Variants in SLC4A5 observed in about 807,000 individuals in gnomAD.
SLC4A5 encodes the protein electrogenic sodium bicarbonate cotransporter 4.
SLC4A5 carries 96 observed loss-of-function variants against 120.4 expected under a neutral mutation model. That is an observed-to-expected ratio of 0.80 (90% CI 0.68 to 0.94). The LOEUF is 0.94. Ranked by LOEUF, SLC4A5 falls within the 40% of genes least tolerant of loss-of-function variation. The pLI is 0.00. For missense variants in SLC4A5, 1,259 were observed against 1,459.5 expected, an observed-to-expected ratio of 0.86 and a Z score of 2.24; for synonymous variants, 550 against 571.1, an observed-to-expected ratio of 0.96 and a Z score of 0.53.
At chr2:74,240,384 T>C (rs577326774) in intron 20 of SLC4A5, among the ~76,000 whole-genome samples, 30 of 152,332 alleles carry the variant, frequency 2.0e-4, no homozygotes, top group Middle Eastern at 3.4e-3. Flanking sequence ...ATTCTGCTTA[T>C]GCTGTCCCAT....
intron 28 of SLC4A5, 75 bp from the exon 29 acceptor site, chr2:74,223,027 C>CTCTGTCTCAAA: frequency 1.1e-6 from 1 of 950,838 alleles, no homozygotes; most frequent in Non-Finnish European, 1.5e-6. Flanking sequence ...TTTTTTGAGA[C>CTCTGTCTCAAA]AGAGTCTCGC....
chr2:74,300,236 G>A (rs778591646), intron 7 of SLC4A5, among the ~76,000 whole-genome samples: 46 of 152,184 alleles, frequency 3.0e-4, no homozygotes, highest in Admixed American at 1.0e-3. Context: ...GTTGGTCAAA[G>A]ATAAAAATAT....
intron 15 of SLC4A5, 22 bp downstream of exon 15, chr2:74,252,952 T>G: frequency 6.2e-7 from 1 of 1,613,950 alleles, no homozygotes; most frequent in Non-Finnish European, 8.5e-7. Context: ...TTTCTCTCCC[T>G]ACTGCCCATT....
At chr2:74,311,532 T>C (rs1672805018) in intron 6 of SLC4A5, among the ~76,000 whole-genome samples, 1 of 152,230 alleles carries the variant, frequency 6.6e-6, no homozygotes, top group Non-Finnish European at 1.5e-5. Flanking sequence ...ATTTTTAAAA[T>C]TTTCTTAAGA....
intron 14 of SLC4A5, 105 bp from the exon 15 acceptor site, chr2:74,253,233 C>T: frequency 2.2e-6 from 3 of 1,337,472 alleles, no homozygotes; most frequent in Non-Finnish European, 2.1e-6. Context: ...AACCACATCT[C>T]CCACTGCCAA....
intron 21 of SLC4A5, among the ~76,000 whole-genome samples, chr2:74,237,471 T>C (rs1558871210): frequency 6.6e-6 from 1 of 152,186 alleles, no homozygotes; most frequent in Non-Finnish European, 1.5e-5. Flanking sequence ...AGAGAACTTG[T>C]CTTGATGGTG....
exon 24 of SLC4A5, chr2:74,232,555 C>T (rs753435434): frequency 2.8e-5 from 45 of 1,613,796 alleles, no homozygotes; most frequent in South Asian, 2.1e-4. Context: ...TGGAGATGAC[C>T]GTGGCAGCCA....
intron 4 of SLC4A5, 53 bp from the exon 5 acceptor site, chr2:74,328,239 G>C (rs1673265031): frequency 1.0e-6 from 1 of 971,018 alleles, no homozygotes; most frequent in Admixed American, 6.2e-5. Flanking sequence ...ACAGTATTTG[G>C]GGCATTGGAG....
chr2:74,315,267 G>A (rs1558910855), intron 5 of SLC4A5, among the ~76,000 whole-genome samples: 1 of 151,590 alleles, frequency 6.6e-6, no homozygotes, highest in East Asian at 1.9e-4. Context: ...CAGTGAAACT[G>A]CATCTCTAAT....
chr2:74,233,605 T>C, intron 22 of SLC4A5, 42 bp from the exon 23 acceptor site: 1 of 1,563,890 alleles, frequency 6.4e-7, no homozygotes, highest in Non-Finnish European at 8.7e-7. Context: ...CCTCTCTCCC[T>C]TGTCCCAGGG....
intron 20 of SLC4A5, among the ~76,000 whole-genome samples, chr2:74,240,864 ACTTAAGAAGCAAC>A (rs1346241089): frequency 6.6e-6 from 1 of 152,206 alleles, no homozygotes; most frequent in Admixed American, 6.5e-5. Flanking sequence ...GGCAGGAATA[ACTTAAGAAGCAAC>A]CTTGGAGACA....
chr2:74,304,394 C>T, intron 7 of SLC4A5, 95 bp downstream of exon 7: 1 of 1,280,570 alleles, frequency 7.8e-7, no homozygotes, highest in Non-Finnish European at 1.1e-6. Context: ...TGGAGCGTTA[C>T]CCACATTCTC....
chr2:74,244,023 G>C (rs1670529022), intron 19 of SLC4A5, among the ~76,000 whole-genome samples: 1 of 152,162 alleles, frequency 6.6e-6, no homozygotes, highest in African/African-American at 2.4e-5. Flanking sequence ...AGTAAGACTG[G>C]GCTTCGCAGT....
exon 29 of SLC4A5, chr2:74,222,878 G>A: frequency 6.2e-7 from 1 of 1,613,130 alleles, no homozygotes; most frequent in South Asian, 1.1e-5. Flanking sequence ...TGGCAATGCA[G>A]TGGATACCGT....
intron 19 of SLC4A5, among the ~76,000 whole-genome samples, chr2:74,243,653 G>C (rs932254619): frequency 1.3e-5 from 2 of 152,156 alleles, no homozygotes; most frequent in African/African-American, 4.8e-5. Flanking sequence ...GCTTGAGCCT[G>C]GGGAGTTCAG....
chr2:74,295,144 A>C (rs946514183), intron 7 of SLC4A5, among the ~76,000 whole-genome samples: 1 of 150,648 alleles, frequency 6.6e-6, no homozygotes, highest in Non-Finnish European at 1.5e-5. Context: ...TGTGTTGGAG[A>C]GGGGGCGCTG....
chr2:74,259,365 C>T (rs952506512), intron 12 of SLC4A5, among the ~76,000 whole-genome samples: 4 of 152,162 alleles, frequency 2.6e-5, no homozygotes, highest in Non-Finnish European at 2.9e-5. Flanking sequence ...GTCCCACACC[C>T]CCAGGGCCTG....
chr2:74,287,595 C>T (rs886720691), intron 7 of SLC4A5, among the ~76,000 whole-genome samples: 18 of 152,190 alleles, frequency 1.2e-4, no homozygotes, highest in Non-Finnish European at 2.6e-4. Context: ...TCAAGTGCGG[C>T]ATCCTTCCAT....
chr2:74,298,172 T>C (rs1184930186), intron 7 of SLC4A5, among the ~76,000 whole-genome samples: 1 of 152,240 alleles, frequency 6.6e-6, no homozygotes, highest in Non-Finnish European at 1.5e-5. Flanking sequence ...GATTTCAAGC[T>C]ATATTACAAA....
Sources: gnomAD v4.1 joint callset for allele counts (sites outside exome capture counted in the v4.1 genomes callset) on GRCh38, gnomAD v4.1.1 for gene constraint, MANE v1.5 for transcripts, NCBI Gene and HGNC (gene_info 2026-07-23, HGNC 2026-07-21) for gene names.